MRPL1: variants seen among roughly 807,000 people sequenced by gnomAD.
The protein encoded by MRPL1 is large ribosomal subunit protein uL1m.
A neutral mutation model predicts 38.0 loss-of-function variants in MRPL1; 28 were observed. The observed-to-expected ratio is 0.74, with a 90% CI of 0.55 to 1.01. The LOEUF (loss-of-function observed/expected upper bound fraction) is 1.01. Among genes scored for constraint, MRPL1 ranks in the 50% least tolerant of loss-of-function variants. The pLI, the probability that MRPL1 is intolerant of heterozygous loss-of-function variation, is 0.00. For synonymous variants in MRPL1, 123 were observed against 126.7 expected (o/e 0.97, Z 0.20); for missense variants, 358 against 389.8 (o/e 0.92, Z 0.69).
chr4:77,947,303 TA>T (rs1165818938), intron 7 of MRPL1, among the ~76,000 whole-genome samples: 1 of 152,204 alleles, frequency 6.6e-6, no homozygotes, highest in African/African-American at 2.4e-5. Flanking sequence ...TGCTTCAGAA[TA>T]AGGAATAACT....
intron 7 of MRPL1, among the ~76,000 whole-genome samples, chr4:77,936,016 A>T (rs1736966174): frequency 6.6e-6 from 1 of 152,170 alleles, no homozygotes; most frequent in South Asian, 2.1e-4. Flanking sequence ...GCTAAACTAA[A>T]ACTAATTTTT....
At chr4:77,912,961 A>G (rs1450993438) in intron 7 of MRPL1, among the ~76,000 whole-genome samples, 1 of 152,192 alleles carries the variant, frequency 6.6e-6, no homozygotes, top group Non-Finnish European at 1.5e-5. Flanking sequence ...AGTTCTTTCA[A>G]CAAACAGTAC....
At chr4:77,868,409 T>G (rs1735204005) in intron 1 of MRPL1, among the ~76,000 whole-genome samples, 2 of 152,042 alleles carry the variant, frequency 1.3e-5, no homozygotes, top group South Asian at 4.2e-4. Context: ...CCGGCTAATT[T>G]TTTTTGTATT....
At chr4:77,939,867 T>C (rs1457140453) in intron 7 of MRPL1, among the ~76,000 whole-genome samples, 1 of 152,248 alleles carries the variant, frequency 6.6e-6, no homozygotes, top group African/African-American at 2.4e-5. Context: ...TTTGGTTTTA[T>C]TTCTGGGTTC....
At chr4:77,921,239 A>G (rs764546856) in intron 7 of MRPL1, among the ~76,000 whole-genome samples, 42 of 152,138 alleles carry the variant, frequency 2.8e-4, no homozygotes, top group Non-Finnish European at 4.9e-4. Context: ...AGTGGCAAAA[A>G]CTGTTCCTAA....
At chr4:77,943,537 C>A (rs1439745799) in intron 7 of MRPL1, among the ~76,000 whole-genome samples, 1 of 151,798 alleles carries the variant, frequency 6.6e-6, no homozygotes, top group Non-Finnish European at 1.5e-5. Flanking sequence ...TAACATAATC[C>A]CAACTTTTTG....
intron 1 of MRPL1, among the ~76,000 whole-genome samples, chr4:77,863,461 ATTT>A (rs969402527): frequency 8.9e-6 from 1 of 112,674 alleles, no homozygotes; most frequent in Non-Finnish European, 1.8e-5. Flanking sequence ...TTGTGCAACA[ATTT>A]TTTTTTTTTT....
intron 7 of MRPL1, among the ~76,000 whole-genome samples, chr4:77,939,420 T>C (rs1428167526): frequency 6.6e-6 from 1 of 152,240 alleles, no homozygotes; most frequent in African/African-American, 2.4e-5. Context: ...TTTGAGTTTC[T>C]TCTAGATTCT....
chr4:77,867,752 T>C (rs1173494327), intron 1 of MRPL1, among the ~76,000 whole-genome samples: 6 of 45,070 alleles, frequency 1.3e-4, no homozygotes, highest in Non-Finnish European at 3.2e-4. Context: ...ATTTCTTTTT[T>C]TTTTTTTTTT....
chr4:77,874,928 C>T (rs1052835797), intron 2 of MRPL1, among the ~76,000 whole-genome samples: 2 of 151,580 alleles, frequency 1.3e-5, no homozygotes, highest in Non-Finnish European at 2.9e-5. Context: ...ATTACAGGCA[C>T]ACGCCACAAC....
intron 2 of MRPL1, among the ~76,000 whole-genome samples, chr4:77,874,556 T>C (rs983294946): frequency 6.6e-6 from 1 of 152,176 alleles, no homozygotes; most frequent in African/African-American, 2.4e-5. Flanking sequence ...TGTGTGCATT[T>C]ATAATTTTGA....
chr4:77,915,264 T>G (rs1186785809), intron 7 of MRPL1, among the ~76,000 whole-genome samples: 1 of 152,228 alleles, frequency 6.6e-6, no homozygotes, highest in African/African-American at 2.4e-5. Context: ...GTCAGTTGAA[T>G]GATCTTTCTT....
intron 2 of MRPL1, among the ~76,000 whole-genome samples, chr4:77,879,077 A>G (rs1735470765): frequency 6.6e-6 from 1 of 152,104 alleles, no homozygotes; most frequent in African/African-American, 2.4e-5. Flanking sequence ...TTTGTCCTCT[A>G]CCTTCCCAAA....
intron 6 of MRPL1, among the ~76,000 whole-genome samples, chr4:77,897,752 C>T (rs1735949809): frequency 6.6e-6 from 1 of 152,158 alleles, no homozygotes; most frequent in African/African-American, 2.4e-5. Flanking sequence ...CCTTGTACTT[C>T]AGGGTTTTGT....
At chr4:77,924,239 T>C (rs1476422161) in intron 7 of MRPL1, among the ~76,000 whole-genome samples, 1 of 113,468 alleles carries the variant, frequency 8.8e-6, no homozygotes, top group Non-Finnish European at 1.9e-5. Flanking sequence ...TCAGTGTGTT[T>C]CGTGCCATTT....
intron 7 of MRPL1, among the ~76,000 whole-genome samples, chr4:77,915,548 G>A (rs1411019401): frequency 6.6e-6 from 1 of 152,116 alleles, no homozygotes; most frequent in African/African-American, 2.4e-5. Context: ...CCCAGTAGCT[G>A]GGACTACAGG....
chr4:77,942,084 T>C (rs567610679), intron 7 of MRPL1, among the ~76,000 whole-genome samples: 1 of 152,236 alleles, frequency 6.6e-6, no homozygotes, highest in Non-Finnish European at 1.5e-5. Context: ...ACTATTATCA[T>C]TCAGTTCAAA....
intron 7 of MRPL1, among the ~76,000 whole-genome samples, chr4:77,923,582 A>G (rs1177427834): frequency 6.6e-6 from 1 of 152,100 alleles, no homozygotes; most frequent in Non-Finnish European, 1.5e-5. Flanking sequence ...GGCCACTATC[A>G]TAGTAAAAAA....
At chr4:77,906,257 G>A (rs1736155938) in intron 6 of MRPL1, among the ~76,000 whole-genome samples, 1 of 152,152 alleles carries the variant, frequency 6.6e-6, no homozygotes, top group African/African-American at 2.4e-5. Context: ...AACTCCTGCT[G>A]ATAGGTCAAG....
Sources: gnomAD v4.1 joint callset for allele counts (sites outside exome capture counted in the v4.1 genomes callset) on GRCh38, gnomAD v4.1.1 for gene constraint, MANE v1.5 for transcripts, NCBI Gene and HGNC (gene_info 2026-07-23, HGNC 2026-07-21) for gene names.